The following DAPK2 variants were observed in gnomAD, a reference collection of about 807,000 sequenced individuals.
DAPK2 encodes the protein death-associated protein kinase 2.
Under a neutral mutation model 44.1 loss-of-function variants are expected in DAPK2, and 35 were observed. The ratio of observed to expected loss-of-function variants is 0.79; its 90% CI spans 0.61 to 1.05. The LOEUF is 1.05. Ranked by LOEUF, DAPK2 falls within the 50% of genes least tolerant of loss-of-function variation. DAPK2 has a pLI of 0.00. For synonymous variants in DAPK2, 174 were observed against 182.6 expected (o/e 0.95, Z 0.38); for missense variants, 453 against 483.2 (o/e 0.94, Z 0.59).
chr15:63,995,890 C>T (rs957445119), intron 1 of DAPK2, among the ~76,000 whole-genome samples: 1 of 152,230 alleles, frequency 6.6e-6, no homozygotes, highest in Non-Finnish European at 1.5e-5. Flanking sequence ...AATTATTCAG[C>T]ATGTGTGTAG....
At chr15:63,967,435 C>T (rs1355602694) in intron 3 of DAPK2, among the ~76,000 whole-genome samples, 1 of 152,100 alleles carries the variant, frequency 6.6e-6, no homozygotes, top group Non-Finnish European at 1.5e-5. Flanking sequence ...CCTATGATCC[C>T]AGCACTTTGG....
intron 3 of DAPK2, among the ~76,000 whole-genome samples, chr15:63,967,369 C>T (rs1436387285): frequency 6.6e-6 from 1 of 151,904 alleles, no homozygotes; most frequent in East Asian, 1.9e-4. Context: ...CTGTTTTTAC[C>T]AATACTGCTT....
chr15:63,949,763 C>T (rs547465653), intron 3 of DAPK2, among the ~76,000 whole-genome samples: 25 of 152,304 alleles, frequency 1.6e-4, no homozygotes, highest in African/African-American at 5.8e-4. Flanking sequence ...AGTTCGATTC[C>T]ACTTCTACCC....
At chr15:64,043,780 G>A (rs141580333), upstream of DAPK2, among the ~76,000 whole-genome samples, 11 of 152,346 alleles carry the variant, frequency 7.2e-5, no homozygotes, top group Admixed American at 3.9e-4. Flanking sequence ...AACGGTCCAT[G>A]GATAACGTGA....
At chr15:64,014,927 CA>C (rs5813274) in intron 1 of DAPK2, among the ~76,000 whole-genome samples, 73,084 of 120,120 alleles carry the variant, frequency 0.61, 19,582 homozygotes, top group Non-Finnish European at 0.65. Flanking sequence ...GACTCCATCT[CA>C]AAAAAAAAAA....
At chr15:64,017,217 T>A (rs1323003194) in intron 1 of DAPK2, among the ~76,000 whole-genome samples, 1 of 152,194 alleles carries the variant, frequency 6.6e-6, no homozygotes, top group African/African-American at 2.4e-5. Context: ...AATACATATT[T>A]GTTTTGTGAC....
In DAPK2 at chr15:63,916,702, G is replaced by A. The variant is rs1055369858; in HGVS notation, c.859-4505C>T. Reference sequence around the variant, plus strand: ...GCTGCCCCCTACAGTGAACAAGCCAGTGGAAGGAGGCAGAAACATTCCTTT... The same window carrying A: ...GCTGCCCCCTACAGTGAACAAGCCAATGGAAGGAGGCAGAAACATTCCTTT... On this transcript the variant is annotated intron_variant, in intron 8 of 10. Coordinates refer to ENST00000261891, the Ensembl canonical transcript of DAPK2. The surrounding 1 kb of genome is among the most constrained non-coding windows in gnomAD (Gnocchi z 4.7). 1.6e-4 allele frequency: 25 copies of A among 152,304 alleles called. No homozygotes were observed. Among genetic ancestry groups the A allele is most frequent in the Admixed American group, 6.5e-5 (1 of 15,294 alleles). The allele number at this position is 152,304 out of a possible 1,614,324, so 9.4% of individuals were successfully genotyped here. A position where few individuals can be genotyped will look rare whatever the true frequency, so the allele number is the denominator to read the frequency against.
upstream of DAPK2, among the ~76,000 whole-genome samples, chr15:64,043,053 T>A (rs2080385042): frequency 6.6e-6 from 1 of 152,170 alleles, no homozygotes; most frequent in Admixed American, 6.5e-5. Context: ...TGGGTTTAAA[T>A]CCCAGCTCTG....
intron 3 of DAPK2, among the ~76,000 whole-genome samples, chr15:63,955,055 G>C (rs750839059): frequency 6.6e-6 from 1 of 152,140 alleles, no homozygotes; most frequent in Non-Finnish European, 1.5e-5. Context: ...TTTTTTGGTG[G>C]AGTCTTCAGG....
intron 4 of DAPK2, among the ~76,000 whole-genome samples, chr15:63,938,584 A>T (rs892262211): frequency 6.6e-6 from 1 of 152,232 alleles, no homozygotes; most frequent in African/African-American, 2.4e-5. Context: ...GCAGATAAAC[A>T]GATGGTGGTT....
At chr15:64,042,802 G>T (rs991524750), upstream of DAPK2, among the ~76,000 whole-genome samples, 2 of 152,202 alleles carry the variant, frequency 1.3e-5, no homozygotes, top group African/African-American at 4.8e-5. The surrounding 1 kb of genome is among the most constrained non-coding windows in gnomAD (Gnocchi z 4.7). Flanking sequence ...GGGAGGCCCA[G>T]CTGGAAAGCC....
rs143422317 is a variant in DAPK2 at position 63,913,100 on chromosome 15, A to T, written c.859-903T>A. ...TTATGTTAAATGAAAAAAGCCAGAC[A>T]CAAAAGGCTACCTGCTGTATGATTC... On this transcript the variant is annotated intron_variant, in intron 8 of 10. Coordinates refer to ENST00000261891, the Ensembl canonical transcript of DAPK2. 6.9e-4 allele frequency among the ~76,000 whole-genome samples: 105 copies of T among 152,328 alleles called. 2 individuals carry two copies. The East Asian group carries it at 0.02, about 29-fold the overall frequency.
intron 1 of DAPK2, among the ~76,000 whole-genome samples, chr15:63,998,612 G>T (rs2079008684): frequency 6.6e-6 from 1 of 152,186 alleles, no homozygotes; most frequent in African/African-American, 2.4e-5. Context: ...TATGCCCGGA[G>T]GAGACCCAGG....
At chr15:64,043,799 C>A (rs2080398976), upstream of DAPK2, among the ~76,000 whole-genome samples, 1 of 152,182 alleles carries the variant, frequency 6.6e-6, no homozygotes, top group Non-Finnish European at 1.5e-5. Context: ...GAATTCCTTC[C>A]CTCCTCTTTG....
Position 63,908,787 on chromosome 15 carries a change from A to T in DAPK2, c.1033-187T>A, listed in dbSNP as rs980780261. The T allele has an allele frequency of 2.3e-6, 1 of 426,390 alleles. No homozygotes were observed. Among genetic ancestry groups the T allele is most frequent in the Non-Finnish European group, 4.2e-6 (1 of 240,622 alleles). 26.4% of individuals were successfully genotyped at this position (426,390 alleles called of 1,614,324 possible). On this transcript the variant is annotated intron_variant, in intron 10 of 10. Coordinates refer to ENST00000261891, the Ensembl canonical transcript of DAPK2. This position sits in a 1 kb window ranked among gnomAD's most constrained non-coding sequence, Gnocchi z 5.7. ...GATGGGAGGGATCTGAAACGAGGCC[A>T]GACCAACTGCTTGGAGGAAGGAAAG...
intron 8 of DAPK2, chr15:63,922,713 A>G: frequency 6.7e-7 from 1 of 1,498,748 alleles, no homozygotes; most frequent in Non-Finnish European, 8.9e-7. Context: ...CTTGGGATGC[A>G]TCACTGACTG....
chr15:63,919,790 T>A (rs2079023707), intron 8 of DAPK2: 1 of 152,224 alleles, frequency 6.6e-6, no homozygotes, highest in South Asian at 2.1e-4. Context: ...TGGGCCTGCA[T>A]TCTATTTTGA....
intron 1 of DAPK2, among the ~76,000 whole-genome samples, chr15:64,011,320 G>A (rs1392189194): frequency 6.6e-6 from 1 of 152,156 alleles, no homozygotes; most frequent in East Asian, 1.9e-4. Context: ...AGCATTTTAG[G>A]AGGCCGAGGT....
intron 1 of DAPK2, among the ~76,000 whole-genome samples, chr15:64,036,752 G>A (rs1235015283): frequency 2.0e-5 from 3 of 152,044 alleles, no homozygotes; most frequent in African/African-American, 7.3e-5. Context: ...CTACACTAGG[G>A]TGCTCACTGA....
Sources: allele counts gnomAD v4.1 joint callset (sites outside exome capture counted in the v4.1 genomes callset), GRCh38; gene constraint gnomAD v4.1.1; non-coding constraint Gnocchi (gnomAD v3.1); transcripts MANE v1.5; gene names NCBI Gene and HGNC (gene_info 2026-07-23, HGNC 2026-07-21).